ZNF215: variants seen among roughly 807,000 people sequenced by gnomAD.
ZNF215 encodes the protein BWSCR2-associated zinc finger protein 2.
In ZNF215, 24 loss-of-function variants were observed where a neutral mutation model predicts 27.2. The observed-to-expected ratio is 0.88, with a 90% confidence interval of 0.64 to 1.24. The LOEUF (loss-of-function observed/expected upper bound fraction) is 1.24. Among genes scored for constraint, ZNF215 ranks in the 50% most tolerant of loss-of-function variants. ZNF215 has a pLI of 0.00. For missense variants in ZNF215, 675 were observed against 605.7 expected, an observed-to-expected ratio of 1.11 and a Z score of -1.20; for synonymous variants, 210 against 204.0, an observed-to-expected ratio of 1.03 and a Z score of -0.25.
intron 6 of ZNF215, 52 bp downstream of exon 6, chr11:6,943,693 C>A: frequency 7.2e-7 from 1 of 1,384,514 alleles, no homozygotes; most frequent in South Asian, 1.2e-5. Flanking sequence ...GTTTCCTAAA[C>A]ATACAGACAA....
intron 3 of ZNF215, among the ~76,000 whole-genome samples, chr11:6,934,796 T>C (rs1009598128): frequency 6.6e-6 from 1 of 152,202 alleles, no homozygotes; most frequent in African/African-American, 2.4e-5. Flanking sequence ...TCTCTTGCTA[T>C]GTATCCAAGG....
At chr11:6,930,459 T>G (rs927184266) in intron 2 of ZNF215, among the ~76,000 whole-genome samples, 3 of 152,246 alleles carry the variant, frequency 2.0e-5, no homozygotes, top group African/African-American at 7.2e-5. Flanking sequence ...TCTAGTCTCC[T>G]TCCCTTGGTT....
At chr11:6,931,006 G>A (rs1010963871) in intron 2 of ZNF215, among the ~76,000 whole-genome samples, 2 of 152,132 alleles carry the variant, frequency 1.3e-5, no homozygotes, top group Non-Finnish European at 1.5e-5. Context: ...AACATCCCTG[G>A]CTTTGACTTC....
rs1850399183 is a variant in ZNF215, at chr11:6,957,282, A to G, written c.*751A>G. ...GCCAGGGACACTGTGTGGAGTTCGC[A>G]CACTCTCCCTATGTCTCCGGGTGCT... On this transcript the variant is annotated 3_prime_UTR_variant, in exon 7 of 7. Coordinates refer to ENST00000278319, the MANE Select transcript of ZNF215 (RefSeq NM_013250.4). The G allele has an allele frequency of 1.4e-6, 1 of 720,504 alleles. No homozygotes were observed. The highest frequency in any genetic ancestry group is 6.3e-5 in the South Asian group (1 of 15,934). 44.6% of individuals were successfully genotyped at this position (720,504 alleles called of 1,614,324 possible).
At chr11:6,974,512 T>C (rs1850789590) in intron 5 of ZNF215, among the ~76,000 whole-genome samples, 1 of 152,216 alleles carries the variant, frequency 6.6e-6, no homozygotes, top group Non-Finnish European at 1.5e-5. Context: ...TGATATTGAT[T>C]CTTCCTATCC....
rs758426573 is a variant in ZNF215 at position 6,956,360 on chromosome 11, C to T, written c.1383C>T (p.Phe461=). 1 of 1,614,028 alleles carries T rather than the reference C, an allele frequency of 6.2e-7. No homozygotes were observed. Among genetic ancestry groups the T allele is most frequent in the Non-Finnish European group, 8.5e-7 (1 of 1,180,018 alleles). Residue 461 remains phenylalanine, a synonymous_variant, in exon 7 of 7, where the codon TTC becomes TTT. Transcript: ENST00000278319. The stretch of plus-strand genomic sequence containing the variant: ...CAACACTCCATTTTGGAAACAATTT[C>T]TATCAATGTGTTAACTGTGGAAAAT... ...NNPTLHFGNN[F]YQCVNCGKSF...
At chr11:6,942,950 A>T in intron 4 of ZNF215, 133 bp from the exon 5 acceptor site, 1 of 1,360,698 alleles carries the variant, frequency 7.3e-7, no homozygotes, top group Non-Finnish European at 1.0e-6. Flanking sequence ...AGAACCTCAA[A>T]CATTGTCCTC....
chr11:6,992,685 T>C (rs1253586887), downstream of ZNF215, among the ~76,000 whole-genome samples: 1 of 152,216 alleles, frequency 6.6e-6, no homozygotes, highest in African/African-American at 2.4e-5. Context: ...TCTTTCAGCT[T>C]CTACAATGAA....
chr11:6,933,686 T>C (rs916951132), intron 3 of ZNF215, among the ~76,000 whole-genome samples: 4 of 150,468 alleles, frequency 2.7e-5, no homozygotes, highest in Admixed American at 1.3e-4. Flanking sequence ...TCCCAGCTAC[T>C]AGGGAGGCTG....
chr11:6,967,435 A>C lies in ZNF215; in HGVS notation c.805+11653A>C, dbSNP rs192757600. Among the ~76,000 whole-genome samples, 398 of 152,296 alleles carry C rather than the reference A, an allele frequency of 2.6e-3. 4 individuals are homozygous for C. The highest frequency in any genetic ancestry group is 9.0e-3 in the African/African-American group (376 of 41,576). ...ACACTCCCACCAACAGTGCAAAAGC[A>C]TTCCTATTTCTCCACATCTTCTCCA... On this transcript the variant is annotated intron_variant, in intron 5 of 5. Transcript: ENST00000529903.
chr11:6,971,810 T>G (rs1487361406), intron 5 of ZNF215, among the ~76,000 whole-genome samples: 3 of 152,098 alleles, frequency 2.0e-5, no homozygotes, highest in Non-Finnish European at 4.4e-5. Context: ...AAAACAACAT[T>G]TAGCAAGAAC....
At chr11:6,960,655 A>T (rs1850498278), downstream of ZNF215, among the ~76,000 whole-genome samples, 1 of 152,088 alleles carries the variant, frequency 6.6e-6, no homozygotes, top group Non-Finnish European at 1.5e-5. Context: ...GTTGTAACCC[A>T]GGTGTCATTG....
chr11:6,943,958 T>G (rs1452551771), intron 6 of ZNF215, among the ~76,000 whole-genome samples: 2 of 152,190 alleles, frequency 1.3e-5, no homozygotes, highest in Non-Finnish European at 2.9e-5. Context: ...CTAAATGAGT[T>G]GGTGTGCCTA....
intron 2 of ZNF215, among the ~76,000 whole-genome samples, chr11:6,931,408 A>C (rs1308386527): frequency 6.6e-6 from 1 of 152,196 alleles, no homozygotes; most frequent in African/African-American, 2.4e-5. Context: ...AGTGCATATT[A>C]TTCTTCTGCT....
chr11:6,952,120 C>G (rs945533196), intron 6 of ZNF215, among the ~76,000 whole-genome samples: 1 of 152,082 alleles, frequency 6.6e-6, no homozygotes, highest in African/African-American at 2.4e-5. Flanking sequence ...AATTTCTATT[C>G]TTTTACATTT....
intron 3 of ZNF215, among the ~76,000 whole-genome samples, chr11:6,936,297 A>C (rs1239328415): frequency 6.6e-6 from 1 of 152,114 alleles, no homozygotes; most frequent in African/African-American, 2.4e-5. Flanking sequence ...AACATCAGGA[A>C]AAGTGGGGAC....
chr11:6,955,434 A>T (rs985194197), intron 6 of ZNF215, among the ~76,000 whole-genome samples: 1 of 152,244 alleles, frequency 6.6e-6, no homozygotes, highest in Non-Finnish European at 1.5e-5. Flanking sequence ...ATCCTTGTTC[A>T]TGTAAAGATA....
rs113322955 is a variant in ZNF215 at position 6,944,858 on chromosome 11, C to G, written c.712+1217C>G. 9.7e-4 allele frequency among the ~76,000 whole-genome samples: 147 copies of G among 152,180 alleles called. 1 individual carries two copies. The highest frequency in any genetic ancestry group is 3.4e-3 in the African/African-American group (142 of 41,526). On this transcript the variant is annotated intron_variant, in intron 6 of 6. Coordinates refer to ENST00000278319, the MANE Select transcript of ZNF215 (RefSeq NM_013250.4). ...TCACCTAACATACCATCGTGATTACCTATTTCACTAATTTTGAAAATGTGG... is the reference window on the plus strand; with the variant it reads ...TCACCTAACATACCATCGTGATTACGTATTTCACTAATTTTGAAAATGTGG...
chr11:6,930,598 G>A (rs1849221332), intron 2 of ZNF215, among the ~76,000 whole-genome samples: 1 of 152,160 alleles, frequency 6.6e-6, no homozygotes, highest in Admixed American at 6.5e-5. Context: ...AATGTTGAAT[G>A]ATCTGTGCAG....
Sources: allele counts gnomAD v4.1 joint callset (sites outside exome capture counted in the v4.1 genomes callset), GRCh38; gene constraint gnomAD v4.1.1; transcripts MANE v1.5; gene names NCBI Gene and HGNC (gene_info 2026-07-23, HGNC 2026-07-21).